The following APBB3 variants were observed in gnomAD, a reference collection of about 807,000 sequenced individuals.
APBB3 encodes amyloid-beta A4 precursor protein-binding family B member 3.
Under a neutral mutation model 61.5 loss-of-function variants are expected in APBB3, and 50 were observed. The ratio of observed to expected loss-of-function variants is 0.81; its 90% CI spans 0.65 to 1.03. The LOEUF is 1.03. APBB3 is among the 50% of genes least tolerant of loss of function. The pLI is 0.00. For missense variants in APBB3, 550 were observed against 637.4 expected (o/e 0.86, Z 1.48); for synonymous variants, 235 against 233.0 (o/e 1.01, Z -0.08).
At chr5:140,562,934 G>A in intron 3 of APBB3, 1 of 574,502 alleles carries the variant, frequency 1.7e-6, no homozygotes, top group Non-Finnish European at 3.1e-6. Flanking sequence ...ATAGGACCCA[G>A]ACACAGGACA....
chr5:140,561,728 G>A (rs770958542), intron 7 of APBB3, 27 bp from the exon 8 acceptor site: 14 of 1,614,088 alleles, frequency 8.7e-6, no homozygotes, highest in Non-Finnish European at 1.2e-5. Context: ...TGGGGCTGGG[G>A]TAGAAGCTGG....
Position 140,564,180 on chromosome 5 carries a change from G to C in APBB3, c.49+17C>G. 1 of 1,613,940 alleles carries C rather than the reference G, an allele frequency of 6.2e-7. No homozygotes were observed. ...CCCTCAGCTCCTGGTCTTCCCACCG[G>C]GCCCCTCCGTGCACACCATCGCAGT... On this transcript the variant is annotated intron_variant, in intron 1 of 12. Transcript: ENST00000357560. The surrounding 1 kb of genome is among the most constrained non-coding windows in gnomAD (Gnocchi z 5.0).
Position 140,564,149 on chromosome 5 carries a change from C to T in APBB3, c.49+48G>A, listed in dbSNP as rs373199342. The stretch of plus-strand genomic sequence containing the variant: ...CCCAGAGTAGCCTTTCGGATTCCCT[C>T]GTCCTCCCTCAGCTCCTGGTCTTCC... On this transcript the variant is annotated intron_variant, in intron 1 of 12. Transcript: ENST00000357560. This position sits in a 1 kb window ranked among gnomAD's most constrained non-coding sequence, Gnocchi z 5.0. The T allele has an allele frequency of 1.9e-5, 30 of 1,612,576 alleles. No homozygotes were observed. The highest frequency in any genetic ancestry group is 2.5e-5 in the Non-Finnish European group (29 of 1,179,072).
intron 3 of APBB3, 115 bp from the exon 4 acceptor site, chr5:140,562,838 G>A (rs891551381): frequency 6.3e-6 from 6 of 956,182 alleles, no homozygotes; most frequent in Admixed American, 2.1e-5. Context: ...TATAGCACCA[G>A]AAATATAAAA....
At chr5:140,563,399 A>G (rs1223687810) in intron 3 of APBB3, 195 bp downstream of exon 3, 1 of 670,580 alleles carries the variant, frequency 1.5e-6, no homozygotes, top group East Asian at 2.7e-5. Context: ...ATGTAGCTAC[A>G]AACAAGAGCT....
Position 140,561,003 on chromosome 5 carries a change from C to T in APBB3, c.916+15G>A. On this transcript the variant is annotated intron_variant, in intron 10 of 12. Coordinates refer to ENST00000357560, the MANE Select transcript of APBB3 (RefSeq NM_133173.3). ...CCTCACACAGCCCACCACATGCAGC[C>T]CCCTCAGTCCTCACCCATGGCCTTG... The T allele has an allele frequency of 1.9e-6, 3 of 1,610,452 alleles. No individual in the cohort carries two copies. The highest frequency in any genetic ancestry group is 2.5e-6 in the Non-Finnish European group (3 of 1,179,576).
In APBB3 at chr5:140,560,763, A is replaced by T; in HGVS notation, c.917-9T>A. 6.2e-7 allele frequency: 1 copy of T among 1,611,122 alleles called. No individual in the cohort carries two copies. ...GTTCAGCACATCCATGCCTGGGGGA[A>T]CATACCCAGCGTGTCTCCCAGTGTA... On this transcript the variant is annotated splice_polypyrimidine_tract_variant and intron_variant, in intron 10 of 12. Coordinates refer to ENST00000357560, the MANE Select transcript of APBB3 (RefSeq NM_133173.3). This position sits in a 1 kb window ranked among gnomAD's most constrained non-coding sequence, Gnocchi z 5.1.
chr5:140,563,868 G>C lies in APBB3; in HGVS notation c.97C>G (p.Pro33Ala). Reference sequence around the variant, plus strand: ...GCATCGTGGATCTTCCTCCAGCCAGGAGGCAGGCCAGCCTCCACCTCCAGA... The same window carrying C: ...GCATCGTGGATCTTCCTCCAGCCAGCAGGCAGGCCAGCCTCCACCTCCAGA... ...HSLEVEAGLP[P>A]GWRKIHDAAG... The change falls in exon 2 of 13, where the codon CCT (proline) becomes GCT (alanine). Residue 33 changes from proline to alanine, a missense_variant. Pro to Ala is a conservative substitution (Grantham distance 27). Transcript: ENST00000357560. 1.2e-6 allele frequency: 2 copies of C among 1,614,148 alleles called. No homozygotes were observed. Among genetic ancestry groups the C allele is most frequent in the Admixed American group, 3.3e-5 (2 of 60,018 alleles).
rs1226707765 is a variant in APBB3 at position 140,562,492 on chromosome 5, G to A, written c.359C>T (p.Ala120Val). 2 of 1,613,984 alleles carry A rather than the reference G, an allele frequency of 1.2e-6. No homozygotes were observed. The highest frequency in any genetic ancestry group is 3.3e-5 in the Admixed American group (2 of 60,020). The change falls in exon 5 of 13, where the codon GCA (alanine) becomes GTA (valine). Residue 120 changes from alanine to valine, a missense_variant. By Grantham distance (64) the Ala-to-Val change is moderately conservative. Transcript: ENST00000357560. ...CTCTACCCAGCCCAGAGAGCGGACT[G>A]CAAAGCACTGACAGGTTGGGGGAAG... Reference protein sequence around the residue: ...QSMEPGAKCFAVRSLGWVEVP... With the variant: ...QSMEPGAKCFVVRSLGWVEVP...
Position 140,560,460 on chromosome 5 carries a change from C to G in APBB3, c.1077G>C (p.Val359=), listed in dbSNP as rs750914674. The G allele has an allele frequency of 2.5e-6, 4 of 1,614,152 alleles. No individual in the cohort carries two copies. Among genetic ancestry groups the G allele is most frequent in the Non-Finnish European group, 3.4e-6 (4 of 1,180,018 alleles). The change falls in exon 12 of 13, where the codon GTG becomes GTC. Residue 359 remains valine (V), a synonymous_variant. Coordinates refer to ENST00000357560, the MANE Select transcript of APBB3 (RefSeq NM_133173.3). This position sits in a 1 kb window ranked among gnomAD's most constrained non-coding sequence, Gnocchi z 5.1. Reference sequence around the variant, plus strand: ...CAACACCAATAAATGTCACAAGGCGCACAGGGCACTGCCACAATGGCTCCT... The same window carrying G: ...CAACACCAATAAATGTCACAAGGCGGACAGGGCACTGCCACAATGGCTCCT... ...TEEEPLWQCP[V]RLVTFIGVGR... is the part of the protein sequence containing the mutation.
Position 140,558,385 on chromosome 5 carries a change from C to T in APBB3, c.*200G>A, listed in dbSNP as rs892361091. 2 of 682,628 alleles carry T rather than the reference C, an allele frequency of 2.9e-6. No individual in the cohort carries two copies. Among genetic ancestry groups the T allele is most frequent in the Non-Finnish European group, 2.6e-6 (1 of 385,346 alleles). 42.3% of individuals were successfully genotyped at this position (682,628 alleles called of 1,614,324 possible). On this transcript the variant is annotated 3_prime_UTR_variant, in exon 13 of 13. Transcript: ENST00000357560. Reference sequence around the variant, plus strand: ...ACACAAGGACCCAAGGAAAGGGGAGCCAGGGTCCTACGTTGTGGTGCAGTG... The same window carrying T: ...ACACAAGGACCCAAGGAAAGGGGAGTCAGGGTCCTACGTTGTGGTGCAGTG...
chr5:140,564,222 C>T lies in APBB3; in HGVS notation c.24G>A (p.Leu8=), dbSNP rs377085001. 1 of 1,613,456 alleles carries T rather than the reference C, an allele frequency of 6.2e-7. No individual in the cohort carries two copies. The highest frequency in any genetic ancestry group is 8.5e-7 in the Non-Finnish European group (1 of 1,180,054). Residue 8 remains leucine, a synonymous_variant, in exon 1 of 13, where the codon CTG becomes CTA. Transcript: ENST00000357560. This position sits in a 1 kb window ranked among gnomAD's most constrained non-coding sequence, Gnocchi z 5.0. MLGKDYM[L]AIILVNCDDD... ...CATCGCAGTTGACCAGAATGATGGC[C>T]AGCATGTAATCCTTGCCCAGCATAA...
Position 140,558,599 on chromosome 5 carries a change from G to A in APBB3, c.1447C>T (p.Leu483Phe), listed in dbSNP as rs746025010. Residue 483 changes from leucine (L) to phenylalanine (F), a missense_variant, in exon 13 of 13, where the codon CTC (leucine) becomes TTC (phenylalanine). Transcript: ENST00000357560. Reference sequence around the variant, plus strand: ...CCCAGATAAGTTTAGGGCATATGGAGCAGAGAGGGTTTCAGCCGGAAGGCA... The same window carrying A: ...CCCAGATAAGTTTAGGGCATATGGAACAGAGAGGGTTTCAGCCGGAAGGCA... Reference protein sequence around the residue: ...LDAFRLKPSLLHMP With the variant: ...LDAFRLKPSLFHMP 9 of 1,614,204 alleles carry A rather than the reference G, an allele frequency of 5.6e-6. No homozygotes were observed. Among genetic ancestry groups the A allele is most frequent in the Non-Finnish European group, 7.6e-6 (9 of 1,180,014 alleles).
Position 140,560,821 on chromosome 5 carries a change from C to A in APBB3, c.917-67G>T, listed in dbSNP as rs990062308. The A allele has an allele frequency of 1.3e-6, 2 of 1,489,902 alleles. No individual in the cohort carries two copies. The highest frequency in any genetic ancestry group is 1.4e-5 in the African/African-American group (1 of 72,536). The allele number at this position is 1,489,902 out of a possible 1,614,324, so 92.3% of individuals were successfully genotyped here. On this transcript the variant is annotated intron_variant, in intron 10 of 12. Coordinates refer to ENST00000357560, the MANE Select transcript of APBB3 (RefSeq NM_133173.3). The surrounding 1 kb of genome is among the most constrained non-coding windows in gnomAD (Gnocchi z 5.1). ...GAGTCTGCAGGGAGTGTCTAGCCCC[C>A]TCTCACTGATTTGGGATTCAGAGAT...
At chr5:140,563,721 G>A in intron 2 of APBB3, 31 bp downstream of exon 2, 2 of 1,613,950 alleles carry the variant, frequency 1.2e-6, no homozygotes, top group Non-Finnish European at 1.7e-6. Flanking sequence ...TCCACACATG[G>A]GCTCAGACCT....
rs374871689 is a variant in APBB3 at position 140,562,310 on chromosome 5, C to T, written c.498+43G>A. The stretch of plus-strand genomic sequence containing the variant: ...GGAAATTCAGGGACAGCTACCTCTG[C>T]TGGGCCCTGGGCCCAAACCATTAAA... On this transcript the variant is annotated intron_variant, in intron 5 of 12. Transcript: ENST00000357560. 6 of 1,611,180 alleles carry T rather than the reference C, an allele frequency of 3.7e-6. No individual in the cohort carries two copies. The African/African-American group carries it at 8.0e-5, about 22-fold the overall frequency.
At position 140,561,352 on chromosome 5, in the gene APBB3, C is replaced by T. The variant is rs2127130246; in HGVS notation, c.832+13G>A. On this transcript the variant is annotated intron_variant, in intron 9 of 12. Transcript: ENST00000357560. ...CACCCCAATGCAGCAATGCAGGTCT[C>T]CCCTCCCCATACCTTGCCGTGGCAG... The T allele has an allele frequency of 1.2e-6, 2 of 1,614,122 alleles. No homozygotes were observed. The highest frequency in any genetic ancestry group is 1.3e-5 in the African/African-American group (1 of 75,066).
intron 3 of APBB3, 36 bp downstream of exon 3, chr5:140,563,557 AC>A (rs887646359): frequency 1.2e-6 from 2 of 1,612,082 alleles, no homozygotes; most frequent in Middle Eastern, 1.7e-4. Context: ...ACACCATGGA[AC>A]CCCAAGCCTT....
chr5:140,560,716 C>G lies in APBB3; in HGVS notation c.955G>C (p.Ala319Pro), dbSNP rs140074108. ...VLNEAIGTLT[A>P]RGDRNAWVPT... is the part of the protein sequence containing the mutation. ...ACCCAGGCATTCCGGTCCCCCCTGG[C>G]GGTGAGGGTACCAATGGCCTCGTTC... The change falls in exon 11 of 13, where the codon GCC becomes CCC. Residue 319 changes from alanine (A) to proline (P), a missense_variant. Around this residue, in one of 3 missense-constraint regions of APBB3, gnomAD observed 405 missense variants for 483.4 expected, o/e 0.84. Coordinates refer to ENST00000357560, the MANE Select transcript of APBB3 (RefSeq NM_133173.3). The surrounding 1 kb of genome is among the most constrained non-coding windows in gnomAD (Gnocchi z 5.1). 3 of 1,614,146 alleles carry G rather than the reference C, an allele frequency of 1.9e-6. No homozygotes were observed. The highest frequency in any genetic ancestry group is 2.5e-6 in the Non-Finnish European group (3 of 1,180,026).
Sources: gnomAD v4.1 joint callset for allele counts on GRCh38, gnomAD v4.1.1 for gene constraint, gnomAD v4.1.1 regional missense constraint, Gnocchi (gnomAD v3.1) non-coding constraint, MANE v1.5 for transcripts, NCBI Gene and HGNC (gene_info 2026-07-23, HGNC 2026-07-21) for gene names.